RAC1: variants seen among roughly 807,000 people sequenced by gnomAD.
RAC1 encodes Rac family small GTPase 1.
In RAC1, 2 loss-of-function variants were observed where a neutral mutation model predicts 25.2. The ratio of observed to expected loss-of-function variants is 0.08; its 90% CI spans 0.03 to 0.25. The LOEUF is 0.25. Among genes scored for constraint, RAC1 ranks in the 10% least tolerant of loss-of-function variants. The probability of loss-of-function intolerance (pLI) is 1.00; values close to 1 mark genes in which losing one functional copy is unlikely to be tolerated. For missense variants in RAC1, 50 were observed against 235.7 expected (o/e 0.21, Z 5.16); for synonymous variants, 88 against 94.0 (o/e 0.94, Z 0.37).
intron 1 of RAC1, among the ~76,000 whole-genome samples, chr7:6,379,065 T>G (rs1782688257): frequency 6.6e-6 from 1 of 152,052 alleles, no homozygotes; most frequent in African/African-American, 2.4e-5. Flanking sequence ...CACTCCAGCC[T>G]GGGTAACAGA....
At position 6,392,192 on chromosome 7, in the gene RAC1, AT is replaced by A; in HGVS notation, c.225+152del. 10 of 1,351,596 alleles carry A rather than the reference AT, an allele frequency of 7.4e-6. 1 individual carries two copies. Among genetic ancestry groups the A allele is most frequent in the Non-Finnish European group, 9.9e-6 (10 of 1,005,738 alleles). The allele number at this position is 1,351,596 out of a possible 1,614,324, so 83.7% of individuals were successfully genotyped here. ...AGGGTGGGATTGGTTCCATGTAAAC[AT>A]CCCCCTAGATGCAAGCCCAGGGGTT... On this transcript the variant is annotated intron_variant, in intron 3 of 5. Transcript: ENST00000348035.
chr7:6,398,585 A>AACCTCTT, intron 3 of RAC1: 2 of 1,266,802 alleles, frequency 1.6e-6, no homozygotes, highest in South Asian at 2.6e-5. Flanking sequence ...TCTAATAAAG[A>AACCTCTT]ATCGATAAGA....
intron 1 of RAC1, among the ~76,000 whole-genome samples, chr7:6,383,162 C>G (rs1255741335): frequency 6.6e-6 from 1 of 152,298 alleles, no homozygotes; most frequent in South Asian, 2.1e-4. Flanking sequence ...ACCAGAAATT[C>G]TCCAGCAGTA....
chr7:6,402,535 A>AAAAAC lies in RAC1; in HGVS notation c.*91_*92insAACAA. 8.4e-7 allele frequency: 1 copy of AAAAAC among 1,197,184 alleles called. No homozygotes were observed. Among genetic ancestry groups the AAAAAC allele is most frequent in the Non-Finnish European group, 1.1e-6 (1 of 945,922 alleles). The allele number at this position is 1,197,184 out of a possible 1,614,324, so 74.2% of individuals were successfully genotyped here. A position where few individuals can be genotyped will look rare whatever the true frequency, so the allele number is the denominator to read the frequency against. ...AACAAAAAAAAAAAACAAAAAAAAA[A>AAAAAC]AACAACGGTGGAGCCTTCGCACTCA... On this transcript the variant is annotated 3_prime_UTR_variant, in exon 6 of 6. Transcript: ENST00000348035.
At chr7:6,392,815 A>G (rs34351012) in intron 3 of RAC1, among the ~76,000 whole-genome samples, 184 of 152,352 alleles carry the variant, frequency 1.2e-3, no homozygotes, top group Admixed American at 4.4e-3. Context: ...TTGGGTTGAT[A>G]ACCTGTGTGC....
At chr7:6,401,023 C>T (rs1356795961) in intron 4 of RAC1, among the ~76,000 whole-genome samples, 3 of 152,026 alleles carry the variant, frequency 2.0e-5, no homozygotes, top group Admixed American at 6.6e-5. Context: ...GTGGCACAAT[C>T]TTGGGTCACT....
chr7:6,399,895 C>T, intron 3 of RAC1: 1 of 559,330 alleles, frequency 1.8e-6, no homozygotes. Context: ...CTTCCAGCAT[C>T]ATTCTCCCTT....
chr7:6,390,201 G>A (rs992161821), intron 2 of RAC1, among the ~76,000 whole-genome samples: 4 of 143,422 alleles, frequency 2.8e-5, no homozygotes, highest in African/African-American at 1.1e-4. Flanking sequence ...ATGCTCCACT[G>A]CACGTAGCCT....
chr7:6,382,412 A>G (rs1782792922), intron 1 of RAC1, among the ~76,000 whole-genome samples: 1 of 152,234 alleles, frequency 6.6e-6, no homozygotes, highest in South Asian at 2.1e-4. Flanking sequence ...AAGGCAGTGC[A>G]GAAAGTTGTT....
intron 3 of RAC1, among the ~76,000 whole-genome samples, chr7:6,399,081 C>T (rs1783328266): frequency 6.6e-6 from 1 of 151,686 alleles, no homozygotes; most frequent in Non-Finnish European, 1.5e-5. Context: ...TCTTTCTCCG[C>T]TTGGGTGTCC....
At chr7:6,388,478 G>T (rs1782989289) in intron 2 of RAC1, among the ~76,000 whole-genome samples, 1 of 151,138 alleles carries the variant, frequency 6.6e-6, no homozygotes, top group African/African-American at 2.4e-5. Context: ...CCAGGTAGCT[G>T]TGATTACAGG....
chr7:6,391,781 C>G, intron 2 of RAC1, 143 bp from the exon 3 acceptor site: 1 of 1,353,798 alleles, frequency 7.4e-7, no homozygotes, highest in Non-Finnish European at 9.9e-7. Flanking sequence ...CCGCCTTCCT[C>G]CTTGTGCCTG....
intron 1 of RAC1, among the ~76,000 whole-genome samples, chr7:6,378,465 G>T (rs967871003): frequency 4.6e-5 from 7 of 151,994 alleles, no homozygotes; most frequent in African/African-American, 1.7e-4. Flanking sequence ...AGAATCACTT[G>T]AACCCGGAAG....
At chr7:6,397,742 C>T (rs375387710) in intron 3 of RAC1, among the ~76,000 whole-genome samples, 4 of 152,246 alleles carry the variant, frequency 2.6e-5, no homozygotes, top group African/African-American at 4.8e-5. Flanking sequence ...AATCCCAGCA[C>T]GTTGGGAAGC....
At chr7:6,385,166 C>G (rs1782887430) in intron 1 of RAC1, among the ~76,000 whole-genome samples, 1 of 152,156 alleles carries the variant, frequency 6.6e-6, no homozygotes. Context: ...TCCAGAGCTG[C>G]TTTAATAATG....
In RAC1 at chr7:6,402,300, G is replaced by A. The variant is rs974868646; in HGVS notation, c.449-16G>A. On this transcript the variant is annotated splice_polypyrimidine_tract_variant and intron_variant, in intron 5 of 5. Transcript: ENST00000348035. The stretch of plus-strand genomic sequence containing the variant: ...GGGGTCGAGTGTACATTGCCGTGTG[G>A]TCGTGTTTCCTGTAGGTGCTGTAAA... 1.3e-6 allele frequency: 2 copies of A among 1,597,074 alleles called. No individual in the cohort carries two copies. The highest frequency in any genetic ancestry group is 1.3e-5 in the African/African-American group (1 of 74,398).
At position 6,400,257 on chromosome 7, in the gene RAC1, AT is replaced by A; in HGVS notation, c.288+70del. ...CTCTCAGAAATAAATACTTTAAAATATCACTTAGCCTAGGAATTTTTAGTTA... is the reference window on the plus strand; with the variant it reads ...CTCTCAGAAATAAATACTTTAAAATACACTTAGCCTAGGAATTTTTAGTTA... On this transcript the variant is annotated intron_variant, in intron 4 of 5. Coordinates refer to ENST00000348035, the MANE Select transcript of RAC1 (RefSeq NM_006908.5). 10 of 1,406,542 alleles carry A rather than the reference AT, an allele frequency of 7.1e-6. No individual in the cohort carries two copies. The South Asian group carries it at 1.1e-4, about 15-fold the overall frequency. The allele number at this position is 1,406,542 out of a possible 1,614,324, so 87.1% of individuals were successfully genotyped here. A position where few individuals can be genotyped will look rare whatever the true frequency, so the allele number is the denominator to read the frequency against.
At chr7:6,401,753 G>A in intron 4 of RAC1, 115 bp from the exon 5 acceptor site, 1 of 1,088,906 alleles carries the variant, frequency 9.2e-7, no homozygotes, top group Non-Finnish European at 1.3e-6. Flanking sequence ...GCCTCCGTGG[G>A]GAGGCCTTGC....
intron 1 of RAC1, among the ~76,000 whole-genome samples, chr7:6,382,833 A>G (rs1157700289): frequency 1.3e-5 from 2 of 152,246 alleles, no homozygotes; most frequent in South Asian, 2.1e-4. Context: ...GGATTGCACC[A>G]TTGGGCTCCA....
Sources: allele counts gnomAD v4.1 joint callset (sites outside exome capture counted in the v4.1 genomes callset), GRCh38; gene constraint gnomAD v4.1.1; transcripts MANE v1.5; gene names NCBI Gene and HGNC (gene_info 2026-07-23, HGNC 2026-07-21).